The following B4GALT5 variants were observed in gnomAD, a reference collection of about 807,000 sequenced individuals.
The protein encoded by B4GALT5 is UDP-Gal:beta-GlcNAc beta-1,4-galactosyltransferase 5.
A neutral mutation model predicts 45.0 loss-of-function variants in B4GALT5; 11 were observed. That is an observed-to-expected ratio of 0.24 (90% CI 0.15 to 0.40). B4GALT5 has a LOEUF of 0.40. Among genes scored for constraint, B4GALT5 ranks in the 10% least tolerant of loss-of-function variants. The pLI is 1.00. For synonymous variants in B4GALT5, 185 were observed against 182.9 expected (o/e 1.01, Z -0.09); for missense variants, 337 against 500.2 (o/e 0.67, Z 3.11).
At chr20:49,676,278 C>T (rs895276223) in intron 1 of B4GALT5, among the ~76,000 whole-genome samples, 10 of 152,086 alleles carry the variant, frequency 6.6e-5, no homozygotes, top group African/African-American at 2.4e-4. Flanking sequence ...TAAAAGTGAT[C>T]AGGTAGCACT....
intron 1 of B4GALT5, among the ~76,000 whole-genome samples, chr20:49,676,475 TA>T (rs2146346770): frequency 6.6e-6 from 1 of 152,296 alleles, no homozygotes; most frequent in South Asian, 2.1e-4. Context: ...GGAGCAGAAA[TA>T]AAAGCAGAGA....
chr20:49,678,660 C>T (rs1161278384), intron 1 of B4GALT5, among the ~76,000 whole-genome samples: 1 of 152,202 alleles, frequency 6.6e-6, no homozygotes, highest in African/African-American at 2.4e-5. Flanking sequence ...AGCAAGGACA[C>T]ATTCTCTCAA....
At chr20:49,661,498 G>C (rs1210171904) in intron 1 of B4GALT5, among the ~76,000 whole-genome samples, 1 of 152,224 alleles carries the variant, frequency 6.6e-6, no homozygotes, top group Non-Finnish European at 1.5e-5. Context: ...GCCTCCCAAA[G>C]TGTTGGGATT....
intron 1 of B4GALT5, among the ~76,000 whole-genome samples, chr20:49,706,845 C>G (rs2085886234): frequency 6.6e-6 from 1 of 152,106 alleles, no homozygotes; most frequent in Non-Finnish European, 1.5e-5. Context: ...TTTTCTTTGC[C>G]TTATGTGATT....
At chr20:49,688,662 G>C (rs1483890990) in intron 1 of B4GALT5, among the ~76,000 whole-genome samples, 2 of 152,262 alleles carry the variant, frequency 1.3e-5, no homozygotes, top group East Asian at 3.9e-4. Flanking sequence ...GTCAAGGCCG[G>C]GTGCAGTGGC....
At chr20:49,649,071 C>A (rs891282462) in intron 2 of B4GALT5, among the ~76,000 whole-genome samples, 1 of 152,154 alleles carries the variant, frequency 6.6e-6, no homozygotes, top group Non-Finnish European at 1.5e-5. Flanking sequence ...ATGGCTAACA[C>A]ATTGAATCCT....
intron 1 of B4GALT5, among the ~76,000 whole-genome samples, chr20:49,671,984 C>T (rs1252506273): frequency 6.6e-6 from 1 of 152,110 alleles, no homozygotes; most frequent in East Asian, 1.9e-4. Context: ...TAATCTCAAA[C>T]TGTTATTCTA....
chr20:49,696,312 A>G (rs866755480), intron 1 of B4GALT5, among the ~76,000 whole-genome samples: 9 of 152,270 alleles, frequency 5.9e-5, no homozygotes, highest in African/African-American at 1.4e-4. Context: ...AAAACTAATT[A>G]GACATACTGT....
chr20:49,667,233 T>A (rs2085694821), intron 1 of B4GALT5, among the ~76,000 whole-genome samples: 1 of 112,026 alleles, frequency 8.9e-6, no homozygotes, highest in African/African-American at 3.5e-5. Flanking sequence ...TTTGAAGTGT[T>A]TTTTTTTTTT....
chr20:49,655,355 C>T lies in B4GALT5; in HGVS notation c.250+1213G>A, dbSNP rs527400920. Among the ~76,000 whole-genome samples the T allele has an allele frequency of 7.9e-5, 12 of 151,360 alleles. No homozygotes were observed. In the South Asian group the frequency reaches 1.0e-3, roughly 13 times the overall value. ...CTGAGGCAGGAGAATCAGTTGAACC[C>T]GGGAGGTGGAGGTTACAGTGAGCCG... On this transcript the variant is annotated intron_variant, in intron 2 of 8. Transcript: ENST00000371711.
Position 49,636,260 on chromosome 20 carries a change from T to A in B4GALT5, c.*52A>T, listed in dbSNP as rs2085553300. ...CTCCCCCCTCCAAAAAAAAATCTCA[T>A]CGGACTGCTTTCTTGGTGGCGGTGG... On this transcript the variant is annotated 3_prime_UTR_variant, in exon 9 of 9. Transcript: ENST00000371711. 8 of 1,600,796 alleles carry A rather than the reference T, an allele frequency of 5.0e-6. No individual in the cohort carries two copies. Among genetic ancestry groups the A allele is most frequent in the South Asian group, 2.2e-5 (2 of 90,044 alleles).
chr20:49,713,650 G>C lies in B4GALT5; in HGVS notation c.41C>G (p.Ser14Trp). ...AAAGAAGAAGAGCGCGGCGAGCAGC[G>C]AGCGGCGCGGCAGCCGCAGCAGCCC... is the stretch of plus-strand genomic sequence containing the variant. ...RRGLLRLPRR[S>W]LLAALFFFSL... Residue 14 changes from serine (S) to tryptophan (W), a missense_variant, in exon 1 of 9, where the codon TCG (serine) becomes TGG (tryptophan). Around this residue, in one of 2 missense-constraint regions of B4GALT5, gnomAD observed 174 missense variants for 207.4 expected, o/e 0.84. Transcript: ENST00000371711. 6.4e-7 allele frequency: 1 copy of C among 1,569,756 alleles called. No individual in the cohort carries two copies. The highest frequency in any genetic ancestry group is 8.6e-7 in the Non-Finnish European group (1 of 1,160,758).
At chr20:49,697,162 T>A (rs78939900) in intron 1 of B4GALT5, among the ~76,000 whole-genome samples, 2 of 152,314 alleles carry the variant, frequency 1.3e-5, no homozygotes, top group Non-Finnish European at 2.9e-5. Context: ...CATAAACAGC[T>A]AAAGAAATTA....
rs2085930411 is a variant in B4GALT5, at chr20:49,713,594, A to G, written c.97T>C (p.Tyr33His). The change falls in exon 1 of 9, where the codon TAT (tyrosine) becomes CAT (histidine). Residue 33 changes from tyrosine to histidine, a missense_variant. Coordinates refer to ENST00000371711, the MANE Select transcript of B4GALT5 (RefSeq NM_004776.4). ...TTCCTACCTATGCCGGGCGCCACAT[A>G]GACGAAGTACAGCAGCGAGGACGAG... is the stretch of plus-strand genomic sequence containing the variant. Reference protein sequence around the residue: ...SLSSSLLYFVYVAPGIVNTYL... With the variant: ...SLSSSLLYFVHVAPGIVNTYL... The G allele has an allele frequency of 6.3e-7, 1 of 1,589,470 alleles. No individual in the cohort carries two copies. The highest frequency in any genetic ancestry group is 2.3e-5 in the East Asian group (1 of 43,532).
intron 2 of B4GALT5, among the ~76,000 whole-genome samples, chr20:49,656,158 C>T (rs2085642117): frequency 6.6e-6 from 1 of 152,060 alleles, no homozygotes; most frequent in African/African-American, 2.4e-5. Flanking sequence ...TTAAGAAGAG[C>T]CTGGCCCTGC....
In B4GALT5 at chr20:49,689,821, A is replaced by G. The variant is rs114602336; in HGVS notation, c.115+23755T>C. ...TATGAAACATTACAATCACTCCTGA[A>G]AGGTTTCCCAAGCCCCTTTCCAGTC... On this transcript the variant is annotated intron_variant, in intron 1 of 8. Coordinates refer to ENST00000371711, the MANE Select transcript of B4GALT5 (RefSeq NM_004776.4). Among the ~76,000 whole-genome samples the G allele has an allele frequency of 5.1e-3, 774 of 152,242 alleles. 7 individuals are homozygous for G. Among genetic ancestry groups the G allele is most frequent in the African/African-American group, 0.017 (719 of 41,548 alleles).
At chr20:49,692,148 CCTA>C (rs1469064081) in intron 1 of B4GALT5, among the ~76,000 whole-genome samples, 26 of 152,060 alleles carry the variant, frequency 1.7e-4, no homozygotes, top group African/African-American at 5.8e-4. Context: ...AGTATTCTCA[CCTA>C]CTGTTTTTTT....
At chr20:49,683,858 C>T (rs577444746) in intron 1 of B4GALT5, among the ~76,000 whole-genome samples, 5 of 152,084 alleles carry the variant, frequency 3.3e-5, no homozygotes, top group Non-Finnish European at 7.4e-5. Context: ...ATAAAGACTG[C>T]AGCCAGGCAC....
chr20:49,692,937 C>CT, intron 1 of B4GALT5, among the ~76,000 whole-genome samples: 1 of 152,340 alleles, frequency 6.6e-6, no homozygotes. Context: ...TGGTGATCCT[C>CT]TAAGATTATA....
Sources: gnomAD v4.1 joint callset for allele counts (sites outside exome capture counted in the v4.1 genomes callset) on GRCh38, gnomAD v4.1.1 for gene constraint, gnomAD v4.1.1 regional missense constraint, MANE v1.5 for transcripts, NCBI Gene and HGNC (gene_info 2026-07-23, HGNC 2026-07-21) for gene names.